CERS4: variants seen among roughly 807,000 people sequenced by gnomAD.
CERS4 encodes LAG1 homolog, ceramide synthase 4.
In CERS4, 65 loss-of-function variants were observed where a neutral mutation model predicts 51.8. That is an observed-to-expected ratio of 1.26 (90% CI 1.03 to 1.54). The LOEUF is 1.54. Among genes scored for constraint, CERS4 ranks in the 40% most tolerant of loss-of-function variants. The pLI, the probability that CERS4 is intolerant of heterozygous loss-of-function variation, is 0.00. For missense variants in CERS4, 563 were observed against 500.4 expected (o/e 1.13, Z -1.19); for synonymous variants, 228 against 208.4 (o/e 1.09, Z -0.81).
intron 6 of CERS4, 124 bp from the exon 7 acceptor site, chr19:8,256,112 A>G: frequency 8.8e-7 from 1 of 1,139,040 alleles, no homozygotes; most frequent in Non-Finnish European, 1.3e-6. Context: ...GAGAAGCAGG[A>G]AAAAGCAGGG....
At chr19:8,255,123 C>T (rs1042474831) in intron 4 of CERS4, among the ~76,000 whole-genome samples, 3 of 152,094 alleles carry the variant, frequency 2.0e-5, no homozygotes, top group Admixed American at 2.0e-4. Context: ...GCTGTGGAGG[C>T]GTGGCTGCGT....
At chr19:8,216,413 C>A (rs1455517427) in intron 2 of CERS4, among the ~76,000 whole-genome samples, 2 of 151,240 alleles carry the variant, frequency 1.3e-5, no homozygotes, top group African/African-American at 4.9e-5. Context: ...ACAGCCCCCA[C>A]TGCCTGACTC....
intron 2 of CERS4, among the ~76,000 whole-genome samples, chr19:8,232,884 C>T (rs991787124): frequency 1.5e-5 from 2 of 136,446 alleles, no homozygotes; most frequent in East Asian, 2.1e-4. Flanking sequence ...CACCATGCCT[C>T]GCTGATTTTT....
chr19:8,258,979 CAAT>C (rs1969538197), intron 10 of CERS4, among the ~76,000 whole-genome samples: 3 of 149,846 alleles, frequency 2.0e-5, no homozygotes, highest in African/African-American at 4.9e-5. Context: ...ACTGAAAACA[CAAT>C]AATTAGCTGG....
At chr19:8,249,127 G>A (rs1413178322) in intron 2 of CERS4, among the ~76,000 whole-genome samples, 1 of 150,630 alleles carries the variant, frequency 6.6e-6, no homozygotes, top group African/African-American at 2.5e-5. Flanking sequence ...GTAGATGGAT[G>A]ATGAGTGGGT....
chr19:8,210,163 T>C lies in CERS4; in HGVS notation c.-158-543T>C, dbSNP rs1192345176. Among the ~76,000 whole-genome samples, 1 of 151,812 alleles carries C rather than the reference T, an allele frequency of 6.6e-6. No individual in the cohort carries two copies. Among genetic ancestry groups the C allele is most frequent in the Non-Finnish European group, 1.5e-5 (1 of 67,918 alleles). ...AGTGTGGAACCCGTTCTCGGGGCGG[T>C]GGGGACCAGGGAGGCTTGGAACAGC... is the stretch of plus-strand genomic sequence containing the variant. On this transcript the variant is annotated intron_variant, in intron 1 of 11. Coordinates refer to ENST00000251363, the MANE Select transcript of CERS4 (RefSeq NM_024552.3). This position sits in a 1 kb window ranked among gnomAD's most constrained non-coding sequence, Gnocchi z 4.2.
intron 2 of CERS4, among the ~76,000 whole-genome samples, chr19:8,245,122 A>AAAACAAACAAAAACAAAAAAAC (rs1968711167): frequency 2.3e-5 from 3 of 129,258 alleles, no homozygotes; most frequent in East Asian, 2.2e-4. Context: ...AAAAAAAAAA[A>AAAACAAACAAAAACAAAAAAAC]AAAAAAAAAA....
rs374970069 is a variant in CERS4 at position 8,245,446 on chromosome 19, G to A, written c.-1-5630G>A. ...TTGTATTTTTTGTAGAGACAGTTTC[G>A]CTATGTTGTCCAGGCTGGTCTCAAA... On this transcript the variant is annotated intron_variant, in intron 2 of 11. Coordinates refer to ENST00000251363, the MANE Select transcript of CERS4 (RefSeq NM_024552.3). Among the ~76,000 whole-genome samples the A allele has an allele frequency of 1.1e-4, 17 of 150,420 alleles. No individual in the cohort carries two copies. In the East Asian group the frequency reaches 1.2e-3, roughly 11 times the overall value.
chr19:8,235,917 C>T (rs985787006), intron 2 of CERS4, among the ~76,000 whole-genome samples: 2 of 150,256 alleles, frequency 1.3e-5, no homozygotes, highest in African/African-American at 2.5e-5. Context: ...CAAAACAGGC[C>T]GGGCGCGGTG....
chr19:8,260,590 AG>A (rs1178446393), intron 10 of CERS4, among the ~76,000 whole-genome samples: 4 of 151,780 alleles, frequency 2.6e-5, no homozygotes, highest in Non-Finnish European at 5.9e-5. Context: ...GGCAGAGTAA[AG>A]AGTGAGCTTT....
At chr19:8,247,557 C>G (rs1185893679) in intron 2 of CERS4, among the ~76,000 whole-genome samples, 1 of 152,034 alleles carries the variant, frequency 6.6e-6, no homozygotes, top group African/African-American at 2.4e-5. Context: ...ATAGCTAGAA[C>G]TACAGATACG....
chr19:8,254,321 T>TAAAAAAAAA (rs1969250705), intron 3 of CERS4, among the ~76,000 whole-genome samples, 178 bp from the exon 4 acceptor site: 3 of 6,148 alleles, frequency 4.9e-4, no homozygotes, highest in Non-Finnish European at 3.9e-3. Context: ...ATACTCTGTC[T>TAAAAAAAAA]CAAAAAAAAA....
intron 2 of CERS4, among the ~76,000 whole-genome samples, chr19:8,216,857 G>A (rs1194247649): frequency 6.6e-6 from 1 of 152,088 alleles, no homozygotes; most frequent in African/African-American, 2.4e-5. Context: ...CGGGTGGCAG[G>A]TAACAGGCAG....
At position 8,261,810 on chromosome 19, in the gene CERS4, T is replaced by C; in HGVS notation, c.971T>C (p.Leu324Pro). Residue 324 changes from leucine to proline, a missense_variant, in exon 11 of 12, where the codon CTG (leucine) becomes CCG (proline). Coordinates refer to ENST00000251363, the MANE Select transcript of CERS4 (RefSeq NM_024552.3). ...CACGTGTTCTGGTCTTGCCTCATTC[T>C]GCGCATGCTCTATAGCTTCATGAAG... is the stretch of plus-strand genomic sequence containing the variant. ...LLHVFWSCLI[L>P]RMLYSFMKKG... 6.2e-7 allele frequency: 1 copy of C among 1,614,192 alleles called. No homozygotes were observed. Among genetic ancestry groups the C allele is most frequent in the Non-Finnish European group, 8.5e-7 (1 of 1,180,024 alleles).
intron 2 of CERS4, chr19:8,238,615 T>C: frequency 1.0e-6 from 1 of 983,566 alleles, no homozygotes. Context: ...CAGGCCAGAG[T>C]TGGGTGGGCA....
chr19:8,245,277 G>T (rs1288088842), intron 2 of CERS4, among the ~76,000 whole-genome samples: 1 of 151,710 alleles, frequency 6.6e-6, no homozygotes, highest in Non-Finnish European at 1.5e-5. Context: ...TTGGAGACAG[G>T]TATCACTCTG....
chr19:8,243,194 TAAAAAAAAAAA>T (rs56754017), intron 2 of CERS4, among the ~76,000 whole-genome samples: 5 of 59,866 alleles, frequency 8.4e-5, no homozygotes, highest in Non-Finnish European at 1.5e-4. Flanking sequence ...ACCCTGTCTC[TAAAAAAAAAAA>T]AAAAAAAAAA....
intron 2 of CERS4, among the ~76,000 whole-genome samples, chr19:8,248,451 G>T (rs535523021): frequency 6.6e-6 from 1 of 152,022 alleles, no homozygotes; most frequent in Middle Eastern, 3.4e-3. Context: ...GATGATGAGC[G>T]GATAGATGTT....
intron 2 of CERS4, among the ~76,000 whole-genome samples, chr19:8,223,783 C>A (rs190239179): frequency 7.3e-5 from 11 of 151,584 alleles, no homozygotes; most frequent in African/African-American, 2.7e-4. Context: ...AAGACCCTGT[C>A]TCAAAAACAA....
Sources: gnomAD v4.1 joint callset for allele counts (sites outside exome capture counted in the v4.1 genomes callset) on GRCh38, gnomAD v4.1.1 for gene constraint, Gnocchi (gnomAD v3.1) non-coding constraint, MANE v1.5 for transcripts, NCBI Gene and HGNC (gene_info 2026-07-23, HGNC 2026-07-21) for gene names.